TRIM27: variants seen among roughly 807,000 people sequenced by gnomAD.
The protein encoded by TRIM27 is tripartite motif containing 27.
In TRIM27, 12 loss-of-function variants were observed where a neutral mutation model predicts 57.6. The observed-to-expected ratio is 0.21, with a 90% CI of 0.13 to 0.34. TRIM27 has a LOEUF of 0.34. Among genes scored for constraint, TRIM27 ranks in the 10% least tolerant of loss-of-function variants. TRIM27 has a pLI of 1.00. For synonymous variants in TRIM27, 266 were observed against 259.0 expected (o/e 1.03, Z -0.26); for missense variants, 403 against 656.8 (o/e 0.61, Z 4.22).
chr6:28,910,445 T>G (rs1773118480), intron 4 of TRIM27, among the ~76,000 whole-genome samples: 1 of 152,188 alleles, frequency 6.6e-6, no homozygotes, highest in Non-Finnish European at 1.5e-5. Context: ...TTGTCCTGCC[T>G]CAACCTCCCA....
chr6:28,908,945 C>A, intron 5 of TRIM27, 28 bp downstream of exon 5: 1 of 1,603,556 alleles, frequency 6.2e-7, no homozygotes, highest in Non-Finnish European at 8.5e-7. Flanking sequence ...AAATCCATTT[C>A]CCCTCATGAC....
At chr6:28,906,263 G>C (rs1367989421) in intron 7 of TRIM27, 1 of 151,976 alleles carries the variant, frequency 6.6e-6, no homozygotes, top group Non-Finnish European at 1.5e-5. Flanking sequence ...ATACTGATAT[G>C]TATTCTCTCA....
Position 28,923,839 on chromosome 6 carries a change from C to G in TRIM27, c.-207G>C, listed in dbSNP as rs1774267139. 1 of 552,282 alleles carries G rather than the reference C, an allele frequency of 1.8e-6. No individual in the cohort carries two copies. The highest frequency in any genetic ancestry group is 2.8e-5 in the South Asian group (1 of 35,392). 34.2% of individuals were successfully genotyped at this position (552,282 alleles called of 1,614,324 possible). A position where few individuals can be genotyped will look rare whatever the true frequency, so the allele number is the denominator to read the frequency against. On this transcript the variant is annotated 5_prime_UTR_variant, in exon 1 of 8. Transcript: ENST00000377199. Reference sequence around the variant, plus strand: ...GATGCCTGCGCCTGTGCCCCCTAAGCGAGAGCGGGAATACGGCCGGCTCAC... The same window carrying G: ...GATGCCTGCGCCTGTGCCCCCTAAGGGAGAGCGGGAATACGGCCGGCTCAC...
At position 28,921,928 on chromosome 6, in the gene TRIM27, AC is replaced by A; in HGVS notation, c.479del (p.Arg160LeufsTer13). Reference protein sequence around the residue: ...LKRVKDLKKRRRAQGEQARAE... With the variant: ...LKRVKDLKKRXRAQGEQARAE... ...CTCGTGCCTGTTCCCCCTGGGCCCG[AC>A]GTCTCTTCTTTAAATCTTTCACTCT... On this transcript the variant is annotated frameshift_variant, in exon 2 of 8. Transcript: ENST00000377199. LOFTEE classifies it high-confidence loss of function. The A allele has an allele frequency of 6.2e-7, 1 of 1,613,044 alleles. No homozygotes were observed. Among genetic ancestry groups the A allele is most frequent in the Non-Finnish European group, 8.5e-7 (1 of 1,180,016 alleles).
Position 28,921,904 on chromosome 6 carries a change from T to A in TRIM27, c.504A>T (p.Arg168=), listed in dbSNP as rs1328833708. Residue 168 remains arginine, a synonymous_variant, in exon 2 of 8, where the codon CGA becomes CGT. Transcript: ENST00000377199. Reference sequence around the variant, plus strand: ...CAACAACCCTTACCAAGAGTTCAGCTCGTGCCTGTTCCCCCTGGGCCCGAC... The same window carrying A: ...CAACAACCCTTACCAAGAGTTCAGCACGTGCCTGTTCCCCCTGGGCCCGAC... ...KRRRAQGEQA[R]AELLSLTQME... The A allele has an allele frequency of 6.2e-7, 1 of 1,612,824 alleles. No individual in the cohort carries two copies. The highest frequency in any genetic ancestry group is 1.1e-5 in the South Asian group (1 of 91,066).
At chr6:28,911,444 C>T in intron 4 of TRIM27, 1 of 456,490 alleles carries the variant, frequency 2.2e-6, no homozygotes, top group Non-Finnish European at 3.8e-6. Context: ...TAAGGCCACA[C>T]CCTCTCCATG....
intron 1 of TRIM27, 135 bp from the exon 2 acceptor site, chr6:28,922,122 C>G (rs1774089408): frequency 1.5e-6 from 1 of 653,302 alleles, no homozygotes. Flanking sequence ...GCCACACTGC[C>G]ACCCACAAGA....
rs116564728 is a variant in TRIM27 at position 28,913,668 on chromosome 6, G to C, written c.748-1950C>G. On this transcript the variant is annotated intron_variant, in intron 3 of 7. Transcript: ENST00000377199. ...GAAATGGTATTTTAGTGTGGTTTTA[G>C]TTTGCATTTCTCTTATTATAAGTAC... 6.0e-3 allele frequency among the ~76,000 whole-genome samples: 906 copies of C among 152,160 alleles called. 7 individuals carry two copies. The highest frequency in any genetic ancestry group is 0.01 in the Middle Eastern group (3 of 294).
At chr6:28,909,462 A>G (rs1722619066) in intron 4 of TRIM27, among the ~76,000 whole-genome samples, 2 of 152,210 alleles carry the variant, frequency 1.3e-5, no homozygotes, top group Admixed American at 6.5e-5. Context: ...ACAGGGGCTA[A>G]GTTAAACTGT....
chr6:28,923,205 G>A lies in TRIM27; in HGVS notation c.420+8C>T, dbSNP rs928847708. On this transcript the variant is annotated splice_region_variant and intron_variant, in intron 1 of 7. Transcript: ENST00000377199. The stretch of plus-strand genomic sequence containing the variant: ...CGCGCTCCCGCCCTCCCGGATCCGC[G>A]CCCTCACCTTGAAGCCCTCCACCGC... 5 of 1,550,134 alleles carry A rather than the reference G, an allele frequency of 3.2e-6. No individual in the cohort carries two copies. The African/African-American group carries it at 4.1e-5, about 13-fold the overall frequency.
chr6:28,921,489 G>T (rs1303890986), intron 2 of TRIM27, among the ~76,000 whole-genome samples: 1 of 152,110 alleles, frequency 6.6e-6, no homozygotes, highest in African/African-American at 2.4e-5. Context: ...CAGAATTAAG[G>T]CATTGTTAAG....
chr6:28,920,410 C>A lies in TRIM27; in HGVS notation c.517-168G>T, dbSNP rs144340578. 6.1e-3 allele frequency among the ~76,000 whole-genome samples: 935 copies of A among 152,212 alleles called. 7 individuals carry two copies. Among genetic ancestry groups the A allele is most frequent in the Non-Finnish European group, 0.01 (695 of 68,008 alleles). On this transcript the variant is annotated intron_variant, in intron 2 of 7. Coordinates refer to ENST00000377199, the MANE Select transcript of TRIM27 (RefSeq NM_006510.5). ...TGACTGGATATATAATGCCCAGGAA[C>A]TGAATTACCCCAGTGATTATTAAGA...
intron 7 of TRIM27, 26 bp downstream of exon 7, chr6:28,907,210 A>G (rs1200889945): frequency 6.2e-7 from 1 of 1,602,920 alleles, no homozygotes; most frequent in Non-Finnish European, 8.5e-7. Flanking sequence ...CCTTACCCTA[A>G]TATGGTTTTG....
intron 7 of TRIM27, chr6:28,906,978 G>A (rs867593539): frequency 1.7e-5 from 8 of 475,362 alleles, no homozygotes; most frequent in Admixed American, 3.8e-5. Flanking sequence ...GGGGAACTGC[G>A]GTTTCCACCC....
intron 7 of TRIM27, chr6:28,905,024 C>T (rs1401456333): frequency 2.9e-5 from 7 of 237,334 alleles, no homozygotes; most frequent in African/African-American, 1.3e-4. Context: ...GTGATTCTCC[C>T]GCCTAAGACA....
chr6:28,907,351 C>T lies in TRIM27; in HGVS notation c.920-89G>A. 3.8e-6 allele frequency: 5 copies of T among 1,312,022 alleles called. No homozygotes were observed. The South Asian group carries it at 6.1e-5, about 16-fold the overall frequency. The allele number at this position is 1,312,022 out of a possible 1,614,324, so 81.3% of individuals were successfully genotyped here. A position where few individuals can be genotyped will look rare whatever the true frequency, so the allele number is the denominator to read the frequency against. ...GGGGCTTTGGTTAGTCATCATAAAG[C>T]AGTGGTCTCCACCAGAAACCCCAGA... On this transcript the variant is annotated intron_variant, in intron 6 of 7. Coordinates refer to ENST00000377199, the MANE Select transcript of TRIM27 (RefSeq NM_006510.5).
rs752532700 is a variant in TRIM27, at chr6:28,923,656, G to T, written c.-24C>A. 9.9e-5 allele frequency: 151 copies of T among 1,524,308 alleles called. No homozygotes were observed. The highest frequency in any genetic ancestry group is 1.2e-4 in the Non-Finnish European group (137 of 1,131,856). The allele number at this position is 1,524,308 out of a possible 1,614,324, so 94.4% of individuals were successfully genotyped here. A position where few individuals can be genotyped will look rare whatever the true frequency, so the allele number is the denominator to read the frequency against. ...ATGGCGCCGGCCTGCGGGGGCGCAC[G>T]GGCATGGGCCCCGGCGCCGAGCTCT... On this transcript the variant is annotated 5_prime_UTR_variant, in exon 1 of 8. Coordinates refer to ENST00000377199, the MANE Select transcript of TRIM27 (RefSeq NM_006510.5).
At position 28,904,328 on chromosome 6, in the gene TRIM27, G is replaced by A. The variant is rs1048499568; in HGVS notation, c.1284C>T (p.Pro428=). 3.1e-6 allele frequency: 5 copies of A among 1,613,076 alleles called. No individual in the cohort carries two copies. The highest frequency in any genetic ancestry group is 1.1e-5 in the South Asian group (1 of 91,082). Residue 428 remains proline (P), a synonymous_variant, in exon 8 of 8, where the codon CCC becomes CCT. Transcript: ENST00000377199. This position sits in a 1 kb window ranked among gnomAD's most constrained non-coding sequence, Gnocchi z 6.1. ...WALTSPMTAL[P]LRTPLQRVGI... The stretch of plus-strand genomic sequence containing the variant: ...CCACCCGCTGGAGCGGGGTCCGCAG[G>A]GGTAGGGCAGTCATTGGGGAGGTAA...
At chr6:28,912,899 C>T (rs1280872461) in intron 3 of TRIM27, among the ~76,000 whole-genome samples, 1 of 152,072 alleles carries the variant, frequency 6.6e-6, no homozygotes, top group Non-Finnish European at 1.5e-5. Context: ...TCCATCACAT[C>T]GTTAAATATT....
Sources: gnomAD v4.1 joint callset for allele counts (sites outside exome capture counted in the v4.1 genomes callset) on GRCh38, gnomAD v4.1.1 for gene constraint, Gnocchi (gnomAD v3.1) non-coding constraint, MANE v1.5 for transcripts, NCBI Gene and HGNC (gene_info 2026-07-23, HGNC 2026-07-21) for gene names.